DACH1: variants seen among roughly 807,000 people sequenced by gnomAD.
The protein encoded by DACH1 is dachshund family transcription factor 1.
Under a neutral mutation model 54.2 loss-of-function variants are expected in DACH1, and 12 were observed. The observed-to-expected ratio is 0.22, with a 90% CI of 0.14 to 0.36. DACH1 has a LOEUF of 0.36. Among genes scored for constraint, DACH1 ranks in the 10% least tolerant of loss-of-function variants. The probability of loss-of-function intolerance (pLI) is 1.00; values close to 1 mark genes in which losing one functional copy is unlikely to be tolerated. For missense variants in DACH1, 805 were observed against 929.8 expected (o/e 0.87, Z 1.75); for synonymous variants, 386 against 366.2 (o/e 1.05, Z -0.62).
intron 3 of DACH1, among the ~76,000 whole-genome samples, chr13:71,628,714 T>C (rs528777795): frequency 1.6e-4 from 24 of 152,110 alleles, no homozygotes; most frequent in Non-Finnish European, 3.2e-4. Context: ...ACCAAAATAA[T>C]TAAAGTAAGC....
intron 1 of DACH1, among the ~76,000 whole-genome samples, chr13:71,848,461 A>G (rs1034461943): frequency 1.1e-4 from 17 of 152,222 alleles, no homozygotes; most frequent in Admixed American, 3.9e-4. Context: ...GAACAAAAAT[A>G]GATTTTTCTT....
Position 71,734,160 on chromosome 13 carries a change from C to CATATACCCCATATATAT in DACH1, c.849-52251_849-52250insATATATATGGGGTATAT, listed in dbSNP as rs777463585. Among the ~76,000 whole-genome samples, 10 of 136,866 alleles carry CATATACCCCATATATAT rather than the reference C, an allele frequency of 7.3e-5. 1 individual carries two copies. Among genetic ancestry groups the CATATACCCCATATATAT allele is most frequent in the African/African-American group, 2.7e-4 (10 of 36,424 alleles). The allele number at this position is 136,866 out of a possible 152,430, so 89.8% of individuals were successfully genotyped here. ...CCCATATATATGTATATCCCATATA[C>CATATACCCCATATATAT]GTATACCCCATATATATGTATATCC... On this transcript the variant is annotated intron_variant, in intron 1 of 10. Coordinates refer to ENST00000613252, the MANE Select transcript of DACH1 (RefSeq NM_080759.6).
In DACH1 at chr13:71,583,361, G is replaced by T. The variant is rs1194842206; in HGVS notation, c.1127-10349C>A. Reference sequence around the variant, plus strand: ...TCAATATTAAGAAGGTACATGCCTTGGTAAAAAATAAATAATGAATGATGA... The same window carrying T: ...TCAATATTAAGAAGGTACATGCCTTTGTAAAAAATAAATAATGAATGATGA... On this transcript the variant is annotated intron_variant, in intron 3 of 10. Transcript: ENST00000613252. 2.6e-5 allele frequency among the ~76,000 whole-genome samples: 4 copies of T among 151,704 alleles called. No homozygotes were observed. In the East Asian group the frequency reaches 7.7e-4, roughly 29 times the overall value.
At chr13:71,735,301 G>A (rs867743666) in intron 1 of DACH1, among the ~76,000 whole-genome samples, 15 of 67,928 alleles carry the variant, frequency 2.2e-4, no homozygotes, top group African/African-American at 5.9e-4. Flanking sequence ...ACACGTATAC[G>A]GGATATACGT....
At chr13:71,459,210 C>T (rs936445404) in intron 10 of DACH1, among the ~76,000 whole-genome samples, 3 of 151,726 alleles carry the variant, frequency 2.0e-5, no homozygotes, top group Non-Finnish European at 4.4e-5. Context: ...TAAACATGGA[C>T]TTTGAAAATT....
chr13:71,564,824 T>C (rs548665526), intron 4 of DACH1, among the ~76,000 whole-genome samples: 10 of 152,332 alleles, frequency 6.6e-5, no homozygotes, highest in African/African-American at 2.2e-4. Flanking sequence ...TATTTTGCTC[T>C]CCTTTTAATT....
At chr13:71,794,824 G>A (rs1256654107) in intron 1 of DACH1, among the ~76,000 whole-genome samples, 3 of 152,124 alleles carry the variant, frequency 2.0e-5, no homozygotes, top group Non-Finnish European at 4.4e-5. Flanking sequence ...CAAAATCTTA[G>A]TTTCCTGTCA....
rs1873801786 is a variant in DACH1, at chr13:71,439,349, C to T, written c.*1306G>A. On this transcript the variant is annotated 3_prime_UTR_variant, in exon 11 of 11. Coordinates refer to ENST00000613252, the MANE Select transcript of DACH1 (RefSeq NM_080759.6). ...CCAGTTATCTGCACGAAAGTGAAAACACATACTGTAACTTTCAAAAAGACA... is the reference window on the plus strand; with the variant it reads ...CCAGTTATCTGCACGAAAGTGAAAATACATACTGTAACTTTCAAAAAGACA... The T allele has an allele frequency of 6.6e-6, 1 of 152,374 alleles. No homozygotes were observed. The allele number at this position is 152,374 out of a possible 1,614,324, so 9.4% of individuals were successfully genotyped here.
At chr13:71,609,054 A>G (rs1875104872) in intron 3 of DACH1, among the ~76,000 whole-genome samples, 1 of 152,156 alleles carries the variant, frequency 6.6e-6, no homozygotes, top group Non-Finnish European at 1.5e-5. Context: ...GGAGAAAAGT[A>G]ATAATCCTTC....
chr13:71,466,421 C>T (rs1419790395), intron 10 of DACH1, among the ~76,000 whole-genome samples: 1 of 152,066 alleles, frequency 6.6e-6, no homozygotes, highest in African/African-American at 2.4e-5. Flanking sequence ...AATTTAGTTG[C>T]ACGATGTCTA....
Position 71,775,522 on chromosome 13 carries a change from CAT to C in DACH1, c.848+90398_848+90399del, listed in dbSNP as rs202161659. 1.6e-4 allele frequency among the ~76,000 whole-genome samples: 24 copies of C among 152,124 alleles called. 1 individual carries two copies. The East Asian group carries it at 3.7e-3, about 23-fold the overall frequency. ...TTAAAGTTTTGTCTCTAAAAATAAA[CAT>C]AGATACATATATAAACAAATGCATA... On this transcript the variant is annotated intron_variant, in intron 1 of 10. Coordinates refer to ENST00000613252, the MANE Select transcript of DACH1 (RefSeq NM_080759.6).
intron 1 of DACH1, among the ~76,000 whole-genome samples, chr13:71,711,736 G>A (rs536244727): frequency 4.7e-4 from 72 of 152,114 alleles, no homozygotes; most frequent in African/African-American, 1.7e-3. Flanking sequence ...AATGAAAATA[G>A]CAGGTATTTA....
chr13:71,740,322 A>AC (rs1016556907), intron 1 of DACH1, among the ~76,000 whole-genome samples: 2 of 152,146 alleles, frequency 1.3e-5, no homozygotes, highest in African/African-American at 4.8e-5. Context: ...ACAAAACAAA[A>AC]AAAAAATTAC....
chr13:71,486,648 T>A (rs1207894926), intron 7 of DACH1, among the ~76,000 whole-genome samples: 2 of 152,152 alleles, frequency 1.3e-5, no homozygotes, highest in Admixed American at 1.3e-4. Context: ...GTAGGATTTT[T>A]AATTTTTATT....
intron 6 of DACH1, among the ~76,000 whole-genome samples, chr13:71,503,930 A>T (rs537215351): frequency 2.6e-5 from 4 of 152,326 alleles, no homozygotes; most frequent in Non-Finnish European, 5.9e-5. Context: ...AGGGAAATAT[A>T]AAAAGTTAAG....
intron 3 of DACH1, among the ~76,000 whole-genome samples, chr13:71,601,834 T>C (rs1158426728): frequency 6.6e-6 from 1 of 152,040 alleles, no homozygotes; most frequent in East Asian, 1.9e-4. Flanking sequence ...ACCCATGTTA[T>C]GGGTTGCCAG....
At chr13:71,559,660 T>C (rs765940222) in intron 5 of DACH1, among the ~76,000 whole-genome samples, 160 bp downstream of exon 5, 2 of 152,202 alleles carry the variant, frequency 1.3e-5, no homozygotes, top group Non-Finnish European at 2.9e-5. Flanking sequence ...CCTCATGATA[T>C]TGCAAACTGG....
intron 10 of DACH1, among the ~76,000 whole-genome samples, chr13:71,457,118 G>A (rs1875637113): frequency 6.6e-6 from 1 of 151,954 alleles, no homozygotes; most frequent in Non-Finnish European, 1.5e-5. Flanking sequence ...AAATAAGAAT[G>A]CATTATACTG....
intron 6 of DACH1, among the ~76,000 whole-genome samples, chr13:71,549,648 A>C (rs1191591169): frequency 6.6e-6 from 1 of 152,060 alleles, no homozygotes; most frequent in Non-Finnish European, 1.5e-5. Flanking sequence ...CCAATAAATG[A>C]CTCTATTTTT....
Sources: gnomAD v4.1 joint callset for allele counts (sites outside exome capture counted in the v4.1 genomes callset) on GRCh38, gnomAD v4.1.1 for gene constraint, MANE v1.5 for transcripts, NCBI Gene and HGNC (gene_info 2026-07-23, HGNC 2026-07-21) for gene names.